KIFAP3: variants seen among roughly 807,000 people sequenced by gnomAD.
The protein encoded by KIFAP3 is kinesin associated protein 3.
Under a neutral mutation model 106.5 loss-of-function variants are expected in KIFAP3, and 68 were observed. That is an observed-to-expected ratio of 0.64 (90% CI 0.53 to 0.78). The LOEUF is 0.78. Ranked by LOEUF, KIFAP3 falls within the 30% of genes least tolerant of loss-of-function variation. The pLI, the probability that KIFAP3 is intolerant of heterozygous loss-of-function variation, is 0.00. For missense variants in KIFAP3, 780 were observed against 941.8 expected (o/e 0.83, Z 2.25); for synonymous variants, 320 against 311.5 (o/e 1.03, Z -0.29).
intron 10 of KIFAP3, among the ~76,000 whole-genome samples, chr1:169,999,100 G>C (rs919525850): frequency 1.3e-5 from 2 of 152,124 alleles, no homozygotes; most frequent in African/African-American, 2.4e-5. Context: ...ACAGCTATTA[G>C]AGAGATTAAA....
chr1:170,017,423 G>C (rs914041921), intron 9 of KIFAP3, among the ~76,000 whole-genome samples: 4 of 151,596 alleles, frequency 2.6e-5, no homozygotes, highest in Admixed American at 6.6e-5. Context: ...AAAAAAAAAT[G>C]ACTAAGAATT....
At chr1:170,015,512 A>G (rs924000761) in intron 10 of KIFAP3, among the ~76,000 whole-genome samples, 7 of 152,320 alleles carry the variant, frequency 4.6e-5, no homozygotes, top group Middle Eastern at 3.4e-3. Context: ...TATTGAATAT[A>G]TGGAGAAAGC....
intron 10 of KIFAP3, among the ~76,000 whole-genome samples, chr1:170,001,213 T>C (rs1667653231): frequency 6.6e-6 from 1 of 152,150 alleles, no homozygotes; most frequent in South Asian, 2.1e-4. Flanking sequence ...ATACACATAC[T>C]TGTGGTACAA....
At chr1:170,021,628 T>C (rs979256000) in intron 9 of KIFAP3, among the ~76,000 whole-genome samples, 5 of 151,578 alleles carry the variant, frequency 3.3e-5, no homozygotes, top group African/African-American at 1.2e-4. Flanking sequence ...TTAGTAGAGA[T>C]GGTGTTTCAC....
chr1:170,068,838 C>T (rs1420733054), intron 1 of KIFAP3: 3 of 150,958 alleles, frequency 2.0e-5, no homozygotes, highest in Non-Finnish European at 4.4e-5. Context: ...CCTTAAGGGG[C>T]TAGAAAAAGA....
chr1:170,070,052 A>G (rs1483896405), intron 1 of KIFAP3, among the ~76,000 whole-genome samples: 2 of 152,090 alleles, frequency 1.3e-5, no homozygotes, highest in Non-Finnish European at 2.9e-5. Flanking sequence ...GGAAATTTAG[A>G]AAACTTCATT....
intron 12 of KIFAP3, 96 bp downstream of exon 12, chr1:169,984,486 A>C (rs1268698028): frequency 1.9e-6 from 1 of 528,558 alleles, no homozygotes; most frequent in African/African-American, 1.9e-5. Context: ...AACAGGACTT[A>C]CATAATCATT....
chr1:169,992,081 G>C (rs1242322409), intron 11 of KIFAP3, 74 bp downstream of exon 11: 1 of 646,242 alleles, frequency 1.5e-6, no homozygotes, highest in Non-Finnish European at 2.3e-6. Flanking sequence ...AGAAAATCTT[G>C]ACAAATCAAG....
chr1:170,036,290 T>G (rs1370345711), intron 5 of KIFAP3, among the ~76,000 whole-genome samples: 1 of 152,100 alleles, frequency 6.6e-6, no homozygotes, highest in East Asian at 1.9e-4. Context: ...CCACTGTTCT[T>G]AATAGATACT....
At chr1:170,031,646 A>G (rs995715023) in intron 8 of KIFAP3, among the ~76,000 whole-genome samples, 2 of 151,814 alleles carry the variant, frequency 1.3e-5, no homozygotes, top group Non-Finnish European at 3.0e-5. Context: ...GGATTAAAAA[A>G]TCCTTTCTTA....
At chr1:170,079,877 C>G (rs978334878) in intron 1 of KIFAP3, among the ~76,000 whole-genome samples, 1 of 150,842 alleles carries the variant, frequency 6.6e-6, no homozygotes, top group African/African-American at 2.4e-5. Flanking sequence ...TTTTTTTTAA[C>G]AATATGAAGT....
intron 1 of KIFAP3, among the ~76,000 whole-genome samples, chr1:170,082,272 G>T (rs1672031291): frequency 6.6e-6 from 1 of 152,092 alleles, no homozygotes; most frequent in South Asian, 2.1e-4. Flanking sequence ...CAAAACTACT[G>T]ATATATGCAA....
intron 10 of KIFAP3, among the ~76,000 whole-genome samples, chr1:170,012,470 C>T (rs1668289836): frequency 6.6e-6 from 1 of 152,082 alleles, no homozygotes; most frequent in African/African-American, 2.4e-5. Flanking sequence ...TACTGCTTCT[C>T]ACTAAAATTT....
At chr1:169,962,837 T>C (rs907685451) in intron 17 of KIFAP3, among the ~76,000 whole-genome samples, 3 of 152,194 alleles carry the variant, frequency 2.0e-5, no homozygotes, top group African/African-American at 2.4e-5. Flanking sequence ...TGCTATAATG[T>C]ACATTTAAAA....
chr1:170,052,846 A>G (rs1670646116), intron 2 of KIFAP3, among the ~76,000 whole-genome samples: 1 of 152,214 alleles, frequency 6.6e-6, no homozygotes, highest in South Asian at 2.1e-4. Flanking sequence ...CATATCTCAA[A>G]ATAATAAGAG....
chr1:170,024,190 C>T, intron 9 of KIFAP3: 1 of 324,318 alleles, frequency 3.1e-6, no homozygotes. Flanking sequence ...TGGCAAGATC[C>T]ATTCTATATA....
At chr1:169,947,831 C>G (rs1664519430) in intron 19 of KIFAP3, among the ~76,000 whole-genome samples, 1 of 151,528 alleles carries the variant, frequency 6.6e-6, no homozygotes, top group South Asian at 2.1e-4. Flanking sequence ...TAAAAGTTCA[C>G]TGTGGTAAAT....
chr1:170,074,794 G>C, upstream of KIFAP3: 2 of 1,190,442 alleles, frequency 1.7e-6, no homozygotes, highest in Admixed American at 3.5e-5. Context: ...CCGGGGAGCC[G>C]AGCAGGGAAG....
chr1:169,923,727 A>G (rs1041294788), intron 19 of KIFAP3, among the ~76,000 whole-genome samples: 1 of 152,232 alleles, frequency 6.6e-6, no homozygotes, highest in East Asian at 1.9e-4. Context: ...AGTATCTCAC[A>G]GACGACTTGT....
Sources: gnomAD v4.1 joint callset for allele counts (sites outside exome capture counted in the v4.1 genomes callset) on GRCh38, gnomAD v4.1.1 for gene constraint, MANE v1.5 for transcripts, NCBI Gene and HGNC (gene_info 2026-07-23, HGNC 2026-07-21) for gene names.